ADAMTS12: variants seen among roughly 807,000 people sequenced by gnomAD.
The protein encoded by ADAMTS12 is A disintegrin and metalloproteinase with thrombospondin motifs 12.
In ADAMTS12, 118 loss-of-function variants were observed where a neutral mutation model predicts 167.8. The observed-to-expected ratio is 0.70, with a 90% confidence interval of 0.61 to 0.82. ADAMTS12 has a LOEUF of 0.82. ADAMTS12 is among the 40% of genes least tolerant of loss of function. The pLI, the probability that ADAMTS12 is intolerant of heterozygous loss-of-function variation, is 0.00. For synonymous variants in ADAMTS12, 704 were observed against 716.9 expected (o/e 0.98, Z 0.29); for missense variants, 1,916 against 1,998.8 (o/e 0.96, Z 0.79).
intron 3 of ADAMTS12, among the ~76,000 whole-genome samples, chr5:33,715,793 A>T (rs1743590665): frequency 6.6e-6 from 1 of 152,180 alleles, no homozygotes; most frequent in Non-Finnish European, 1.5e-5. Context: ...AACTATTTTT[A>T]AAAATTAACC....
rs527559880 is a variant in ADAMTS12, at chr5:33,546,520, C to T, written c.4303-318G>A. On this transcript the variant is annotated intron_variant, in intron 21 of 23. Transcript: ENST00000504830. ...TTTTTATAATGATTATCTCTGACAGCCCAAAAGGGGGGCACACATTTGCAA... is the reference window on the plus strand; with the variant it reads ...TTTTTATAATGATTATCTCTGACAGTCCAAAAGGGGGGCACACATTTGCAA... Among the ~76,000 whole-genome samples, 15 of 152,210 alleles carry T rather than the reference C, an allele frequency of 9.9e-5. No individual in the cohort carries two copies. In the East Asian group the frequency reaches 2.7e-3, roughly 27 times the overall value.
In ADAMTS12 at chr5:33,595,977, T is replaced by C; in HGVS notation, c.2611A>G (p.Asn871Asp). The C allele has an allele frequency of 3.1e-6, 5 of 1,614,110 alleles. No individual in the cohort carries two copies. Among genetic ancestry groups the C allele is most frequent in the Non-Finnish European group, 3.4e-6 (4 of 1,179,980 alleles). Residue 871 changes from asparagine to aspartate, a missense_variant, in exon 17 of 24, where the codon AAT becomes GAT. Coordinates refer to ENST00000504830, the MANE Select transcript of ADAMTS12 (RefSeq NM_030955.4). ...ATFCDPETQP[N>D]GRQKKCHEKA... ...TCATGGCACTTCTTCTGTCTCCCAT[T>C]GGGCTGTGTTTCTGGGTCACAGAAT...
intron 7 of ADAMTS12, among the ~76,000 whole-genome samples, chr5:33,656,216 C>T (rs1579805451): frequency 6.6e-6 from 1 of 152,304 alleles, no homozygotes; most frequent in Non-Finnish European, 1.5e-5. Flanking sequence ...CAGGTAGTGA[C>T]TCAGTTCTAG....
chr5:33,666,750 C>T (rs891572023), intron 5 of ADAMTS12, among the ~76,000 whole-genome samples: 3 of 152,170 alleles, frequency 2.0e-5, no homozygotes, highest in African/African-American at 7.2e-5. Flanking sequence ...CTCAGCCTCC[C>T]AAAGTGCTGG....
At chr5:33,694,363 T>A (rs886670067) in intron 3 of ADAMTS12, among the ~76,000 whole-genome samples, 1 of 152,214 alleles carries the variant, frequency 6.6e-6, no homozygotes, top group Admixed American at 6.5e-5. Context: ...TAGTAACCTA[T>A]ATAATTACTG....
chr5:33,708,670 A>G (rs546559338), intron 3 of ADAMTS12, among the ~76,000 whole-genome samples: 11 of 152,296 alleles, frequency 7.2e-5, no homozygotes, highest in African/African-American at 2.6e-4. Context: ...GCTAGAAACC[A>G]TCATTCTCAG....
At chr5:33,852,914 C>A (rs562852822) in intron 2 of ADAMTS12, among the ~76,000 whole-genome samples, 1 of 152,316 alleles carries the variant, frequency 6.6e-6, no homozygotes, top group Admixed American at 6.5e-5. Flanking sequence ...AAAAAAAACA[C>A]ATGCATACCT....
chr5:33,862,711 G>T (rs1431024998), intron 2 of ADAMTS12, among the ~76,000 whole-genome samples: 1 of 152,124 alleles, frequency 6.6e-6, no homozygotes, highest in Admixed American at 6.6e-5. Flanking sequence ...GCATCACCCT[G>T]ATACCAAAAC....
chr5:33,820,593 T>C (rs1426324253), intron 2 of ADAMTS12, among the ~76,000 whole-genome samples: 5 of 152,168 alleles, frequency 3.3e-5, no homozygotes, highest in African/African-American at 1.2e-4. Flanking sequence ...TGTTTGATTA[T>C]GGAGTTGGGT....
chr5:33,788,978 T>G (rs1316216585), intron 2 of ADAMTS12, among the ~76,000 whole-genome samples: 1 of 152,164 alleles, frequency 6.6e-6, no homozygotes, highest in African/African-American at 2.4e-5. Flanking sequence ...TCTAAGAATC[T>G]CCCTAACAGT....
At chr5:33,629,486 A>T (rs1321376782) in intron 13 of ADAMTS12, among the ~76,000 whole-genome samples, 1 of 152,218 alleles carries the variant, frequency 6.6e-6, no homozygotes, top group Non-Finnish European at 1.5e-5. Context: ...TGTCAGAATC[A>T]AAATGGAGCA....
chr5:33,602,333 C>A (rs927683401), intron 16 of ADAMTS12, among the ~76,000 whole-genome samples: 4 of 152,176 alleles, frequency 2.6e-5, no homozygotes, highest in African/African-American at 7.2e-5. Flanking sequence ...GGTTATCAGA[C>A]CTCCACTGTA....
Position 33,696,420 on chromosome 5 carries a change from C to CAAAAA in ADAMTS12, c.635-12370_635-12366dup, listed in dbSNP as rs71600922. 3.6e-3 allele frequency among the ~76,000 whole-genome samples: 467 copies of CAAAAA among 129,920 alleles called. 12 individuals are homozygous for CAAAAA. Among genetic ancestry groups the CAAAAA allele is most frequent in the African/African-American group, 0.013 (446 of 33,040 alleles). The allele number at this position is 129,920 out of a possible 152,430, so 85.2% of individuals were successfully genotyped here. On this transcript the variant is annotated intron_variant, in intron 3 of 23. Transcript: ENST00000504830. Reference sequence around the variant, plus strand: ...TGGGCGACAGAGCAAGACTCCGTCTCAAAAAAAAAAAAAAAAATTATAATT... The same window carrying CAAAAA: ...TGGGCGACAGAGCAAGACTCCGTCTCAAAAAAAAAAAAAAAAAAAAAATTATAATT...
At chr5:33,870,991 T>C (rs2111734739) in intron 2 of ADAMTS12, among the ~76,000 whole-genome samples, 1 of 152,320 alleles carries the variant, frequency 6.6e-6, no homozygotes. Context: ...GGTAGTTCTT[T>C]ATAGCCATGT....
chr5:33,675,626 G>T (rs572443954), intron 5 of ADAMTS12, among the ~76,000 whole-genome samples: 1 of 152,284 alleles, frequency 6.6e-6, no homozygotes, highest in Admixed American at 6.5e-5. Flanking sequence ...CTTCGCCCCT[G>T]TGTAGAACTT....
At chr5:33,865,158 G>A (rs760229108) in intron 2 of ADAMTS12, among the ~76,000 whole-genome samples, 5 of 151,682 alleles carry the variant, frequency 3.3e-5, no homozygotes, top group East Asian at 1.9e-4. Context: ...ACCAGGAAAG[G>A]ACATAATAAT....
In ADAMTS12 at chr5:33,584,528, G is replaced by T. The variant is rs1372679292; in HGVS notation, c.2865+4071C>A. Reference sequence around the variant, plus strand: ...CAAATCAGTTCCTTCAGCACATTTGGGTACGACTGATTGAACAAGGTTTGC... The same window carrying T: ...CAAATCAGTTCCTTCAGCACATTTGTGTACGACTGATTGAACAAGGTTTGC... On this transcript the variant is annotated intron_variant, in intron 18 of 23. Coordinates refer to ENST00000504830, the MANE Select transcript of ADAMTS12 (RefSeq NM_030955.4). Among the ~76,000 whole-genome samples, 3 of 152,090 alleles carry T rather than the reference G, an allele frequency of 2.0e-5. No homozygotes were observed. The East Asian group carries it at 5.8e-4, about 29-fold the overall frequency.
chr5:33,676,614 T>A (rs942919171), intron 5 of ADAMTS12, among the ~76,000 whole-genome samples: 1 of 150,612 alleles, frequency 6.6e-6, no homozygotes, highest in Non-Finnish European at 1.5e-5. Context: ...ACCCCAGTAA[T>A]TCAAAGATAC....
chr5:33,617,744 C>A (rs1283205134), intron 14 of ADAMTS12, among the ~76,000 whole-genome samples: 1 of 151,938 alleles, frequency 6.6e-6, no homozygotes, highest in African/African-American at 2.4e-5. Context: ...GTATGAAATA[C>A]TGTGTCTACC....
Sources: allele counts gnomAD v4.1 joint callset (sites outside exome capture counted in the v4.1 genomes callset), GRCh38; gene constraint gnomAD v4.1.1; transcripts MANE v1.5; gene names NCBI Gene and HGNC (gene_info 2026-07-23, HGNC 2026-07-21).